IQCM: variants seen among roughly 807,000 people sequenced by gnomAD.
IQCM encodes the protein IQ domain-containing protein M.
IQCM carries 45 observed loss-of-function variants against 57.6 expected under a neutral mutation model. That is an observed-to-expected ratio of 0.78 (90% confidence interval 0.62 to 1.00). The LOEUF (loss-of-function observed/expected upper bound fraction) is 1.00. IQCM is among the 50% of genes least tolerant of loss of function. The probability of loss-of-function intolerance (pLI) is 0.00; values close to 1 mark genes in which losing one functional copy is unlikely to be tolerated. For synonymous variants in IQCM, 148 were observed against 158.9 expected, an observed-to-expected ratio of 0.93 and a Z score of 0.51; for missense variants, 468 against 511.6, an observed-to-expected ratio of 0.91 and a Z score of 0.82.
intron 5 of IQCM, among the ~76,000 whole-genome samples, chr4:149,705,692 G>A (rs577980114): frequency 5.3e-5 from 8 of 151,932 alleles, no homozygotes; most frequent in Non-Finnish European, 8.8e-5. Context: ...TTCTAGTACT[G>A]GCACCTTCTA....
At chr4:149,597,563 G>A (rs575795277) in intron 8 of IQCM, among the ~76,000 whole-genome samples, 3 of 152,068 alleles carry the variant, frequency 2.0e-5, no homozygotes, top group African/African-American at 7.2e-5. Context: ...GCTAATTTTT[G>A]TATTTTTAGT....
chr4:149,582,328 ATATATATATATATATATATATATAT>A lies in IQCM; in HGVS notation c.749+5577_749+5601del, dbSNP rs1752277121. 2.9e-4 allele frequency among the ~76,000 whole-genome samples: 4 copies of A among 14,004 alleles called. No individual in the cohort carries two copies. In the South Asian group the frequency reaches 0.015, roughly 54 times the overall value. The allele number at this position is 14,004 out of a possible 152,430, so 9.2% of individuals were successfully genotyped here. On this transcript the variant is annotated intron_variant, in intron 9 of 13. Transcript: ENST00000636793. ...TAGACATATATATATATATATATATATATATATATATATATATATATATATATATATATATATATATTTAGTTGAA... is the reference window on the plus strand; with the variant it reads ...TAGACATATATATATATATATATATAATATATATATATATATTTAGTTGAA...
intron 12 of IQCM, among the ~76,000 whole-genome samples, chr4:149,434,285 AT>A (rs1172370659): frequency 1.3e-5 from 2 of 152,144 alleles, no homozygotes; most frequent in Non-Finnish European, 2.9e-5. Context: ...TCAGCTGAAC[AT>A]GACCTGTATT....
At chr4:149,727,134 C>G (rs1766021813) in intron 5 of IQCM, among the ~76,000 whole-genome samples, 1 of 152,140 alleles carries the variant, frequency 6.6e-6, no homozygotes, top group African/African-American at 2.4e-5. Context: ...ATATGTGGCT[C>G]ATGTGGCATG....
chr4:149,543,978 T>C (rs1254778186), intron 12 of IQCM, among the ~76,000 whole-genome samples: 1 of 152,086 alleles, frequency 6.6e-6, no homozygotes. Flanking sequence ...ACAAAGTCCA[T>C]AGGTAAAGAA....
chr4:149,495,696 G>A (rs1321506733), intron 12 of IQCM, among the ~76,000 whole-genome samples: 1 of 152,072 alleles, frequency 6.6e-6, no homozygotes, highest in Non-Finnish European at 1.5e-5. Flanking sequence ...TTACACAAAG[G>A]CAGAGCAGGG....
At chr4:149,549,856 A>G (rs1231762416) in intron 11 of IQCM, among the ~76,000 whole-genome samples, 1 of 152,228 alleles carries the variant, frequency 6.6e-6, no homozygotes, top group African/African-American at 2.4e-5. Flanking sequence ...GCTATGAGAC[A>G]TCAACAGATT....
At chr4:149,429,371 A>C (rs1490309195) in intron 13 of IQCM, among the ~76,000 whole-genome samples, 1 of 151,930 alleles carries the variant, frequency 6.6e-6, no homozygotes, top group Admixed American at 6.6e-5. Context: ...ACTTGGTCTA[A>C]GATTATAAAA....
intron 13 of IQCM, among the ~76,000 whole-genome samples, chr4:149,381,622 T>G (rs188612215): frequency 1.3e-5 from 2 of 152,266 alleles, no homozygotes; most frequent in East Asian, 3.9e-4. Flanking sequence ...TTTGCTCAAA[T>G]GTCAACTTCT....
At position 149,368,970 on chromosome 4, in the gene IQCM, ATATGTG is replaced by A. The variant is rs367958099; in HGVS notation, c.1391-16910_1391-16905del. ...TGTATATATATACACGTGTATATAT[ATATGTG>A]TATATATATACACGTGTATATATAT... On this transcript the variant is annotated intron_variant, in intron 13 of 13. Transcript: ENST00000636793. Among the ~76,000 whole-genome samples, 30 of 48,522 alleles carry A rather than the reference ATATGTG, an allele frequency of 6.2e-4. 2 individuals are homozygous for A. The highest frequency in any genetic ancestry group is 1.1e-3 in the East Asian group (2 of 1,864). The allele number at this position is 48,522 out of a possible 152,430, so 31.8% of individuals were successfully genotyped here. A position where few individuals can be genotyped will look rare whatever the true frequency, so the allele number is the denominator to read the frequency against.
At chr4:149,483,900 C>T (rs546957797) in intron 12 of IQCM, among the ~76,000 whole-genome samples, 1 of 151,962 alleles carries the variant, frequency 6.6e-6, no homozygotes, top group East Asian at 1.9e-4. Flanking sequence ...GTATTGGAGC[C>T]TATCTCTCTC....
chr4:149,769,921 A>G (rs1465073781), intron 2 of IQCM, among the ~76,000 whole-genome samples: 1 of 152,136 alleles, frequency 6.6e-6, no homozygotes, highest in African/African-American at 2.4e-5. Context: ...CTATCAAGCA[A>G]CTTGACATAA....
At chr4:149,457,570 T>C (rs1035646305) in intron 12 of IQCM, among the ~76,000 whole-genome samples, 4 of 152,010 alleles carry the variant, frequency 2.6e-5, no homozygotes, top group Non-Finnish European at 5.9e-5. Context: ...TTTGTTTTTG[T>C]TTTTGTTTTG....
At chr4:149,612,283 T>A (rs1199562962) in intron 8 of IQCM, among the ~76,000 whole-genome samples, 4 of 152,278 alleles carry the variant, frequency 2.6e-5, no homozygotes, top group South Asian at 4.1e-4. Flanking sequence ...ACCATACTAC[T>A]CTTTTGGCAA....
At chr4:149,452,593 T>G (rs1028420692) in intron 12 of IQCM, among the ~76,000 whole-genome samples, 9 of 151,612 alleles carry the variant, frequency 5.9e-5, no homozygotes, top group African/African-American at 1.9e-4. Context: ...CAAACTTTTT[T>G]GAGGAATAAT....
At chr4:149,792,572 T>G (rs1561280910) in intron 2 of IQCM, among the ~76,000 whole-genome samples, 1 of 152,154 alleles carries the variant, frequency 6.6e-6, no homozygotes. Flanking sequence ...AAATATTTTC[T>G]GTCCAGTCAT....
chr4:149,596,467 T>C (rs1466936413), intron 8 of IQCM, among the ~76,000 whole-genome samples: 1 of 152,098 alleles, frequency 6.6e-6, no homozygotes, highest in Non-Finnish European at 1.5e-5. Context: ...TTTAATGACC[T>C]GCATGCCCTG....
rs13116586 is a variant in IQCM at position 149,442,832 on chromosome 4, C to G, written c.1229-9275G>C. ...TCTGTAAGGCTCCTCAATATCGTAGCCTCCACACACTGATCAATTCTACAT... is the reference window on the plus strand; with the variant it reads ...TCTGTAAGGCTCCTCAATATCGTAGGCTCCACACACTGATCAATTCTACAT... On this transcript the variant is annotated intron_variant, in intron 12 of 13. Coordinates refer to ENST00000636793, the MANE Select transcript of IQCM (RefSeq NM_001363507.2). Among the ~76,000 whole-genome samples, 531 of 151,786 alleles carry G rather than the reference C, an allele frequency of 3.5e-3. 1 individual carries two copies. The highest frequency in any genetic ancestry group is 5.1e-3 in the Non-Finnish European group (345 of 67,902).
chr4:149,452,431 A>G (rs1198033410), intron 12 of IQCM, among the ~76,000 whole-genome samples: 1 of 151,576 alleles, frequency 6.6e-6, no homozygotes, highest in African/African-American at 2.4e-5. Context: ...ATCAATGTTA[A>G]AACTTATTGC....
Sources: gnomAD v4.1 joint callset for allele counts (sites outside exome capture counted in the v4.1 genomes callset) on GRCh38, gnomAD v4.1.1 for gene constraint, MANE v1.5 for transcripts, NCBI Gene and HGNC (gene_info 2026-07-23, HGNC 2026-07-21) for gene names.